The following RNF217 variants were observed in gnomAD, a reference collection of about 807,000 sequenced individuals.
RNF217 encodes ring finger protein 217.
In RNF217, 31 loss-of-function variants were observed where a neutral mutation model predicts 57.8. The observed-to-expected ratio is 0.54, with a 90% CI of 0.40 to 0.72. RNF217 has a LOEUF of 0.72. Among genes scored for constraint, RNF217 ranks in the 30% least tolerant of loss-of-function variants. The probability of loss-of-function intolerance (pLI) is 0.00; values close to 1 mark genes in which losing one functional copy is unlikely to be tolerated. For synonymous variants in RNF217, 313 were observed against 294.0 expected, an observed-to-expected ratio of 1.06 and a Z score of -0.66; for missense variants, 696 against 708.3, an observed-to-expected ratio of 0.98 and a Z score of 0.20.
intron 3 of RNF217, among the ~76,000 whole-genome samples, chr6:125,060,744 C>A (rs1787699708): frequency 6.6e-6 from 1 of 152,174 alleles, no homozygotes; most frequent in South Asian, 2.1e-4. Context: ...CACGCCAAAC[C>A]ATATTTTGAT....
At chr6:124,990,686 C>A (rs1784528327) in intron 1 of RNF217, among the ~76,000 whole-genome samples, 1 of 152,116 alleles carries the variant, frequency 6.6e-6, no homozygotes, top group South Asian at 2.1e-4. Context: ...CCACTGTGAA[C>A]CATGCCACCA....
At chr6:125,035,155 TG>T (rs1189000289) in intron 1 of RNF217, among the ~76,000 whole-genome samples, 1 of 152,188 alleles carries the variant, frequency 6.6e-6, no homozygotes, top group East Asian at 1.9e-4. Context: ...AGGGACAATT[TG>T]ACTTCCTCTT....
intron 1 of RNF217, among the ~76,000 whole-genome samples, chr6:124,970,992 G>A (rs1783739813): frequency 6.6e-6 from 1 of 152,194 alleles, no homozygotes; most frequent in Non-Finnish European, 1.5e-5. Context: ...TGGCAGCCAT[G>A]GGATGGTTTT....
At chr6:125,053,120 C>T (rs1787390239) in intron 2 of RNF217, among the ~76,000 whole-genome samples, 1 of 152,092 alleles carries the variant, frequency 6.6e-6, no homozygotes, top group Non-Finnish European at 1.5e-5. Context: ...TAACATTCTA[C>T]TCATTGTTGA....
chr6:125,027,110 G>A (rs1224351891), intron 1 of RNF217, among the ~76,000 whole-genome samples: 1 of 152,010 alleles, frequency 6.6e-6, no homozygotes, highest in African/African-American at 2.4e-5. Context: ...ACATCATGGA[G>A]AATGAGGTAT....
intron 3 of RNF217, among the ~76,000 whole-genome samples, chr6:125,060,356 T>TACACACAC (rs71706851): frequency 1.3e-3 from 200 of 150,238 alleles, no homozygotes; most frequent in African/African-American, 4.8e-3. Context: ...TATATGTGTA[T>TACACACAC]ACACACACAC....
At chr6:124,966,846 A>G (rs962516320) in intron 1 of RNF217, among the ~76,000 whole-genome samples, 6 of 152,238 alleles carry the variant, frequency 3.9e-5, no homozygotes, top group Admixed American at 3.9e-4. Context: ...ATATTTCAAT[A>G]TAGACATAGC....
chr6:125,008,458 C>G (rs561990906), intron 1 of RNF217, among the ~76,000 whole-genome samples: 1 of 152,244 alleles, frequency 6.6e-6, no homozygotes, highest in Non-Finnish European at 1.5e-5. Context: ...TGCTCAGGGT[C>G]CATGAATCGC....
intron 1 of RNF217, among the ~76,000 whole-genome samples, chr6:125,014,122 A>G (rs1785519925): frequency 1.3e-5 from 2 of 152,218 alleles, no homozygotes; most frequent in African/African-American, 4.8e-5. Flanking sequence ...AACCTCAGGT[A>G]GCACCATTTA....
intron 2 of RNF217, among the ~76,000 whole-genome samples, chr6:125,048,744 A>G (rs1205255193): frequency 6.6e-6 from 1 of 152,052 alleles, no homozygotes; most frequent in African/African-American, 2.4e-5. Context: ...GTTTGTACTC[A>G]GCAGGTGGAT....
intron 3 of RNF217, among the ~76,000 whole-genome samples, chr6:125,062,000 A>G (rs11154290): frequency 0.32 from 48,076 of 151,848 alleles, 8,699 homozygotes; most frequent in Non-Finnish European, 0.42. Context: ...CCCCTCATCA[A>G]TTGATTTGTA....
intron 1 of RNF217, among the ~76,000 whole-genome samples, chr6:125,034,944 A>C (rs965191312): frequency 2.0e-5 from 3 of 152,040 alleles, no homozygotes; most frequent in Non-Finnish European, 2.9e-5. Flanking sequence ...TAAATATTTT[A>C]TTCTCTTTGA....
chr6:124,976,229 G>A (rs1783951458), intron 1 of RNF217, among the ~76,000 whole-genome samples: 1 of 151,800 alleles, frequency 6.6e-6, no homozygotes, highest in Non-Finnish European at 1.5e-5. Flanking sequence ...TGTATTACCG[G>A]CGTAGTTTCT....
At chr6:125,009,938 G>A (rs767885669) in intron 1 of RNF217, among the ~76,000 whole-genome samples, 4 of 149,900 alleles carry the variant, frequency 2.7e-5, no homozygotes, top group Non-Finnish European at 4.4e-5. Context: ...CATGCTTGTC[G>A]TTTTCTGTTC....
chr6:125,005,485 C>T (rs934624543), intron 1 of RNF217, among the ~76,000 whole-genome samples: 1 of 152,200 alleles, frequency 6.6e-6, no homozygotes, highest in African/African-American at 2.4e-5. Flanking sequence ...TAAACTTGAT[C>T]TCTGCAGGAA....
chr6:125,030,682 A>G (rs932121670), intron 1 of RNF217, among the ~76,000 whole-genome samples: 1 of 152,140 alleles, frequency 6.6e-6, no homozygotes, highest in African/African-American at 2.4e-5. Flanking sequence ...GCAGTTCTGC[A>G]TCTGTGGCTT....
At chr6:125,033,694 C>T (rs974265710) in intron 1 of RNF217, among the ~76,000 whole-genome samples, 5 of 151,754 alleles carry the variant, frequency 3.3e-5, no homozygotes, top group Admixed American at 3.3e-4. Context: ...ATTTATAGTC[C>T]TTTGGGTATA....
At chr6:125,029,360 T>C (rs1310881845) in intron 1 of RNF217, among the ~76,000 whole-genome samples, 1 of 152,202 alleles carries the variant, frequency 6.6e-6, no homozygotes, top group Non-Finnish European at 1.5e-5. Context: ...TCCTGGGGGA[T>C]ATAAAGGAAA....
intron 4 of RNF217, among the ~76,000 whole-genome samples, chr6:125,079,271 A>T (rs540707083): frequency 4.6e-5 from 7 of 152,162 alleles, no homozygotes; most frequent in Non-Finnish European, 1.0e-4. Context: ...CTGGGAATAA[A>T]AGTGGCTGAG....
Sources: gnomAD v4.1 joint callset for allele counts (sites outside exome capture counted in the v4.1 genomes callset) on GRCh38, gnomAD v4.1.1 for gene constraint, MANE v1.5 for transcripts, NCBI Gene and HGNC (gene_info 2026-07-23, HGNC 2026-07-21) for gene names.